Variants in BCL2 observed in about 807,000 individuals in gnomAD.
BCL2 encodes the protein BCL2 apoptosis regulator, also known as apoptosis regulator Bcl-2.
Under a neutral mutation model 14.2 loss-of-function variants are expected in BCL2, and 1 was observed. That is an observed-to-expected ratio of 0.07 (90% CI 0.02 to 0.33). BCL2 has a LOEUF of 0.33. Ranked by LOEUF, BCL2 falls within the 10% of genes least tolerant of loss-of-function variation. BCL2 has a pLI of 0.99. For missense variants in BCL2, 247 were observed against 305.9 expected (o/e 0.81, Z 1.44); for synonymous variants, 151 against 137.2 (o/e 1.10, Z -0.70).
intron 2 of BCL2, among the ~76,000 whole-genome samples, chr18:63,303,957 A>G (rs1486361815): frequency 6.6e-6 from 1 of 152,232 alleles, no homozygotes; most frequent in East Asian, 1.9e-4. Flanking sequence ...TAAGGGCTAT[A>G]TTATACTAAT....
intron 2 of BCL2, among the ~76,000 whole-genome samples, chr18:63,204,161 T>C (rs999890821): frequency 3.9e-5 from 6 of 152,244 alleles, no homozygotes; most frequent in Non-Finnish European, 8.8e-5. Context: ...CAAGATTATC[T>C]ATTGGAGCAT....
At chr18:63,142,401 G>T (rs1914389221) in intron 2 of BCL2, among the ~76,000 whole-genome samples, 1 of 152,216 alleles carries the variant, frequency 6.6e-6, no homozygotes. Context: ...GCTCCAGGGA[G>T]CCCTGATGAC....
chr18:63,178,275 C>T (rs530004133), intron 2 of BCL2, among the ~76,000 whole-genome samples: 2 of 152,272 alleles, frequency 1.3e-5, no homozygotes, highest in African/African-American at 4.8e-5. Flanking sequence ...GAAAGCACTC[C>T]GAGATGCCAA....
chr18:63,200,812 G>A (rs944656782), intron 2 of BCL2, among the ~76,000 whole-genome samples: 9 of 151,902 alleles, frequency 5.9e-5, no homozygotes. Flanking sequence ...TTATAGAGAT[G>A]GGGTCTCGCT....
At chr18:63,301,574 T>C (rs1307316968) in intron 2 of BCL2, among the ~76,000 whole-genome samples, 1 of 152,226 alleles carries the variant, frequency 6.6e-6, no homozygotes, top group Non-Finnish European at 1.5e-5. Flanking sequence ...GACTTCCTAG[T>C]TCCTAGTTGT....
chr18:63,279,393 G>A lies in BCL2; in HGVS notation c.585+38689C>T, dbSNP rs72945052. ...ATGGACAAGAGACTTGCATAGGCAC[G>A]TTCTAAAAGAAAATAAGCATATGAA... On this transcript the variant is annotated intron_variant, in intron 2 of 2. Coordinates refer to ENST00000333681, the MANE Select transcript of BCL2 (RefSeq NM_000633.3). Among the ~76,000 whole-genome samples, 525 of 152,300 alleles carry A rather than the reference G, an allele frequency of 3.4e-3. 2 individuals are homozygous for A. Among genetic ancestry groups the A allele is most frequent in the Non-Finnish European group, 5.7e-3 (391 of 68,022 alleles).
intron 2 of BCL2, among the ~76,000 whole-genome samples, chr18:63,270,406 A>C (rs1253172094): frequency 6.6e-6 from 1 of 152,218 alleles, no homozygotes; most frequent in East Asian, 1.9e-4. Flanking sequence ...AGAAAGAAGA[A>C]GCTCTTAACC....
chr18:63,155,457 G>A lies in BCL2; in HGVS notation c.586-26698C>T, dbSNP rs769327141. ...ATTGCGTGGGGAGGGCCCTTAGTGG[G>A]GGTGAGCTTGGTGGGAAAAGGAGGG... On this transcript the variant is annotated intron_variant, in intron 2 of 2. Coordinates refer to ENST00000333681, the MANE Select transcript of BCL2 (RefSeq NM_000633.3). 6.1e-4 allele frequency among the ~76,000 whole-genome samples: 93 copies of A among 152,200 alleles called. 2 individuals carry two copies. The highest frequency in any genetic ancestry group is 3.5e-4 in the Non-Finnish European group (24 of 67,992).
chr18:63,298,139 A>T (rs1025602205), intron 2 of BCL2, among the ~76,000 whole-genome samples: 15 of 152,304 alleles, frequency 9.8e-5, no homozygotes, highest in African/African-American at 3.6e-4. Context: ...CTATGCTGAC[A>T]TGAAAATCAG....
intron 2 of BCL2, among the ~76,000 whole-genome samples, chr18:63,247,737 T>G (rs1004693329): frequency 2.6e-5 from 4 of 152,144 alleles, no homozygotes; most frequent in African/African-American, 9.7e-5. Flanking sequence ...GGATGCCCTG[T>G]CACCAAGCCA....
In BCL2 at chr18:63,128,436, G is replaced by A. The variant is rs989847612; in HGVS notation, c.*189C>T. 4.1e-5 allele frequency: 18 copies of A among 436,256 alleles called. No homozygotes were observed. The East Asian group carries it at 4.4e-4, about 11-fold the overall frequency. 27.0% of individuals were successfully genotyped at this position (436,256 alleles called of 1,614,324 possible). A position where few individuals can be genotyped will look rare whatever the true frequency, so the allele number is the denominator to read the frequency against. On this transcript the variant is annotated 3_prime_UTR_variant, in exon 3 of 3. Coordinates refer to ENST00000333681, the MANE Select transcript of BCL2 (RefSeq NM_000633.3). ...CCCTTTGGCAGTAAATAGCTGATTC[G>A]ACGTTTTGCCTGAAGACTGTTAATT...
intron 2 of BCL2, among the ~76,000 whole-genome samples, chr18:63,137,062 C>A (rs1914226312): frequency 6.6e-6 from 1 of 152,226 alleles, no homozygotes; most frequent in Non-Finnish European, 1.5e-5. Flanking sequence ...CTGTAAATCT[C>A]TTCTGTGTAC....
At chr18:63,214,230 C>T (rs965605829) in intron 2 of BCL2, among the ~76,000 whole-genome samples, 1 of 152,156 alleles carries the variant, frequency 6.6e-6, no homozygotes, top group Non-Finnish European at 1.5e-5. Context: ...GGGACGAGTG[C>T]AGAAAGTGTC....
intron 2 of BCL2, among the ~76,000 whole-genome samples, chr18:63,162,595 C>T (rs1318632188): frequency 2.0e-5 from 3 of 152,036 alleles, no homozygotes; most frequent in African/African-American, 7.2e-5. Context: ...TTCCTATTTT[C>T]TATTAAACCA....
intron 2 of BCL2, among the ~76,000 whole-genome samples, chr18:63,172,976 A>G (rs376754207): frequency 2.0e-5 from 3 of 152,258 alleles, no homozygotes; most frequent in African/African-American, 7.2e-5. Flanking sequence ...CCATTGATTG[A>G]CTCTACGCAG....
chr18:63,215,099 T>G (rs974566510), intron 2 of BCL2, among the ~76,000 whole-genome samples: 1 of 152,204 alleles, frequency 6.6e-6, no homozygotes, highest in African/African-American at 2.4e-5. Context: ...TTTATATATA[T>G]TATTGTGATG....
intron 2 of BCL2, among the ~76,000 whole-genome samples, chr18:63,176,090 G>A (rs533653461): frequency 3.0e-4 from 46 of 152,298 alleles, no homozygotes; most frequent in Non-Finnish European, 5.3e-4. Flanking sequence ...TTCCCTAGAC[G>A]AGCTGTTCTG....
At chr18:63,275,839 G>A (rs1912136606) in intron 2 of BCL2, among the ~76,000 whole-genome samples, 2 of 152,212 alleles carry the variant, frequency 1.3e-5, no homozygotes, top group Non-Finnish European at 2.9e-5. Flanking sequence ...GGAAAGGAAG[G>A]TCTCCTGGCA....
chr18:63,181,012 G>A (rs1369931468), intron 2 of BCL2, among the ~76,000 whole-genome samples: 1 of 152,184 alleles, frequency 6.6e-6, no homozygotes, highest in Non-Finnish European at 1.5e-5. Flanking sequence ...TTAATGTGGA[G>A]AAGATGCTTT....
Sources: gnomAD v4.1 joint callset for allele counts (sites outside exome capture counted in the v4.1 genomes callset) on GRCh38, gnomAD v4.1.1 for gene constraint, MANE v1.5 for transcripts, NCBI Gene and HGNC (gene_info 2026-07-23, HGNC 2026-07-21) for gene names.